The following BAZ1B variants were observed in gnomAD, a reference collection of about 807,000 sequenced individuals.
The protein encoded by BAZ1B is tyrosine-protein kinase BAZ1B.
A neutral mutation model predicts 153.8 loss-of-function variants in BAZ1B; 22 were observed. That is an observed-to-expected ratio of 0.14 (90% CI 0.10 to 0.20). BAZ1B has a LOEUF of 0.20. Among genes scored for constraint, BAZ1B ranks in the 10% least tolerant of loss-of-function variants. The pLI, the probability that BAZ1B is intolerant of heterozygous loss-of-function variation, is 1.00. For synonymous variants in BAZ1B, 676 were observed against 633.4 expected, an observed-to-expected ratio of 1.07 and a Z score of -1.01; for missense variants, 1,325 against 1,799.3, an observed-to-expected ratio of 0.74 and a Z score of 4.77.
At chr7:73,457,428 T>A (rs1323932251) in intron 13 of BAZ1B, among the ~76,000 whole-genome samples, 2 of 152,126 alleles carry the variant, frequency 1.3e-5, no homozygotes, top group African/African-American at 4.8e-5. Flanking sequence ...TCTGCCCACC[T>A]CAGCCTCCCA....
rs1563401224 is a variant in BAZ1B at position 73,508,485 on chromosome 7, A to G, written c.225-14T>C. ...TCCTCCTTCAAACTAAATAAATGTA[A>G]TTAGTTATCAAGAAAACACAGAAAC... On this transcript the variant is annotated splice_polypyrimidine_tract_variant and intron_variant, in intron 2 of 19. Coordinates refer to ENST00000339594, the MANE Select transcript of BAZ1B (RefSeq NM_032408.4). 1 of 1,594,134 alleles carries G rather than the reference A, an allele frequency of 6.3e-7. No individual in the cohort carries two copies. The highest frequency in any genetic ancestry group is 8.5e-7 in the Non-Finnish European group (1 of 1,170,068).
At position 73,441,270 on chromosome 7, in the gene BAZ1B, G is replaced by A. The variant is rs1397159571; in HGVS notation, c.*439C>T. 6 of 152,568 alleles carry A rather than the reference G, an allele frequency of 3.9e-5. No homozygotes were observed. Among genetic ancestry groups the A allele is most frequent in the Non-Finnish European group, 7.3e-5 (5 of 68,044 alleles). The allele number at this position is 152,568 out of a possible 1,614,324, so 9.5% of individuals were successfully genotyped here. On this transcript the variant is annotated 3_prime_UTR_variant, in exon 20 of 20. Transcript: ENST00000339594. The stretch of plus-strand genomic sequence containing the variant: ...GCAAGATGTCAGGAGTATCTTACAA[G>A]ATGTTCTTTATACAATATCACTGCT...
chr7:73,442,136 T>TTGCCCCCCCCCCAA, intron 19 of BAZ1B, 45 bp downstream of exon 19: 1 of 573,492 alleles, frequency 1.7e-6, no homozygotes, highest in East Asian at 3.0e-5. Context: ...CTCGCTCGCC[T>TTGCCCCCCCCCCAA]CCCTCCCACC....
chr7:73,442,903 T>A, intron 17 of BAZ1B, 75 bp from the exon 18 acceptor site: 1 of 1,096,708 alleles, frequency 9.1e-7, no homozygotes, highest in South Asian at 1.4e-5. Context: ...AAAATAAGTG[T>A]ATCTGCTCAA....
intron 1 of BAZ1B, among the ~76,000 whole-genome samples, chr7:73,519,724 C>G (rs1790953445): frequency 6.6e-6 from 1 of 152,130 alleles, no homozygotes; most frequent in South Asian, 2.1e-4. Context: ...AGCTCAGTAC[C>G]TGAAATATAC....
chr7:73,449,742 G>C (rs1787966576), intron 14 of BAZ1B, 53 bp from the exon 15 acceptor site: 1 of 1,578,052 alleles, frequency 6.3e-7, no homozygotes, highest in Non-Finnish European at 8.6e-7. Context: ...AGCAGTCAAT[G>C]AGCTGTAAGG....
chr7:73,447,307 T>G lies in BAZ1B; in HGVS notation c.3801A>C (p.Glu1267Asp). Residue 1267 changes from glutamate to aspartate, a missense_variant, in exon 16 of 20, where the codon GAA (glutamate) becomes GAC (aspartate). By Grantham distance (45) the Glu-to-Asp change is conservative. Coordinates refer to ENST00000339594, the MANE Select transcript of BAZ1B (RefSeq NM_032408.4). ...DESDEEEEEEEEEEEEEDYEV... is the reference protein window; with the variant it reads ...DESDEEEEEEDEEEEEEDYEV... ...CATAATCTTCTTCCTCCTCCTCCTC[T>G]TCTTCCTCCTCCTCCTCTTCATCAC... The G allele has an allele frequency of 1.9e-6, 3 of 1,612,938 alleles. No homozygotes were observed. Among genetic ancestry groups the G allele is most frequent in the Non-Finnish European group, 2.5e-6 (3 of 1,179,076 alleles).
At chr7:73,496,137 A>C (rs1029528518) in intron 4 of BAZ1B, among the ~76,000 whole-genome samples, 9 of 152,230 alleles carry the variant, frequency 5.9e-5, no homozygotes, top group African/African-American at 2.2e-4. Context: ...TAGAGGCAGA[A>C]GTAAGACCAC....
chr7:73,492,966 T>A (rs546237152), intron 4 of BAZ1B, 45 bp from the exon 5 acceptor site: 1 of 1,548,050 alleles, frequency 6.5e-7, no homozygotes, highest in East Asian at 2.3e-5. Flanking sequence ...ATTATTTTAA[T>A]CCTTTTCATT....
chr7:73,443,965 G>T lies in BAZ1B; in HGVS notation c.3990+19C>A, dbSNP rs1554565689. The T allele has an allele frequency of 6.2e-7, 1 of 1,613,354 alleles. No homozygotes were observed. Among genetic ancestry groups the T allele is most frequent in the South Asian group, 1.1e-5 (1 of 90,834 alleles). ...TAAGAAACAGAAAGGTTAGAGAAGG[G>T]ATGATAAATAATTCTCACCAGCTCA... On this transcript the variant is annotated intron_variant, in intron 17 of 19. Transcript: ENST00000339594.
chr7:73,520,829 G>C (rs1791005955), intron 1 of BAZ1B, among the ~76,000 whole-genome samples: 1 of 152,192 alleles, frequency 6.6e-6, no homozygotes, highest in Non-Finnish European at 1.5e-5. Context: ...AGAAGGGGCT[G>C]AGAAAACTCA....
At chr7:73,496,857 A>G (rs1168243794) in intron 4 of BAZ1B, among the ~76,000 whole-genome samples, 2 of 151,912 alleles carry the variant, frequency 1.3e-5, no homozygotes, top group Admixed American at 1.3e-4. Context: ...GTATACAGCC[A>G]GGCACAGTGC....
chr7:73,520,762 G>A (rs1791003135), intron 1 of BAZ1B, among the ~76,000 whole-genome samples: 1 of 152,176 alleles, frequency 6.6e-6, no homozygotes, highest in African/African-American at 2.4e-5. Context: ...AACTCTGAGA[G>A]ACACTTCCTC....
At chr7:73,520,839 A>G (rs978928783) in intron 1 of BAZ1B, among the ~76,000 whole-genome samples, 3 of 152,360 alleles carry the variant, frequency 2.0e-5, no homozygotes, top group East Asian at 3.9e-4. Flanking sequence ...GAGAAAACTC[A>G]TAACACATTA....
rs146626977 is a variant in BAZ1B at position 73,448,166 on chromosome 7, T to C, written c.3729-787A>G. Among the ~76,000 whole-genome samples, 70 of 152,200 alleles carry C rather than the reference T, an allele frequency of 4.6e-4. 2 individuals are homozygous for C. In the East Asian group the frequency reaches 0.013, roughly 28 times the overall value. ...CTAAAAATACAAAATGAGCTGGGTG[T>C]GGTGGCGCATGCTTGTAGTCCTAGC... is the stretch of plus-strand genomic sequence containing the variant. On this transcript the variant is annotated intron_variant, in intron 15 of 19. Coordinates refer to ENST00000339594, the MANE Select transcript of BAZ1B (RefSeq NM_032408.4).
chr7:73,442,630 G>A, intron 18 of BAZ1B, 77 bp from the exon 19 acceptor site: 1 of 1,555,162 alleles, frequency 6.4e-7, no homozygotes, highest in African/African-American at 1.4e-5. Context: ...GTCCTGAAAA[G>A]CAAGGGCTTG....
In BAZ1B at chr7:73,477,718, C is replaced by T; in HGVS notation, c.1743G>A (p.Glu581=). Residue 581 remains glutamate (E), a synonymous_variant, in exon 7 of 20, where the codon GAG becomes GAA. Coordinates refer to ENST00000339594, the MANE Select transcript of BAZ1B (RefSeq NM_032408.4). The surrounding 1 kb of genome is among the most constrained non-coding windows in gnomAD (Gnocchi z 5.6). ...LERLEKQKRY[E]DQELTGKNLP... ...GGTTTTTGCCAGTTAACTCTTGGTC[C>T]TCATACCGCTTCTGTTTTTCTAATC... 3 of 1,614,216 alleles carry T rather than the reference C, an allele frequency of 1.9e-6. No homozygotes were observed. The highest frequency in any genetic ancestry group is 2.5e-6 in the Non-Finnish European group (3 of 1,180,048).
intron 13 of BAZ1B, among the ~76,000 whole-genome samples, chr7:73,452,675 T>C (rs1356440360): frequency 2.0e-5 from 3 of 149,868 alleles, no homozygotes; most frequent in African/African-American, 7.4e-5. Context: ...TGAGCCGAGA[T>C]TGCACCACTG....
At chr7:73,506,535 T>C (rs1214669984) in intron 3 of BAZ1B, among the ~76,000 whole-genome samples, 1 of 147,086 alleles carries the variant, frequency 6.8e-6, no homozygotes, top group Non-Finnish European at 1.5e-5. Context: ...AAAGTCCAAC[T>C]CTCATTACAG....
Sources: gnomAD v4.1 joint callset for allele counts (sites outside exome capture counted in the v4.1 genomes callset) on GRCh38, gnomAD v4.1.1 for gene constraint, Gnocchi (gnomAD v3.1) non-coding constraint, MANE v1.5 for transcripts, NCBI Gene and HGNC (gene_info 2026-07-23, HGNC 2026-07-21) for gene names.